Variants in MYLK2 observed in about 807,000 individuals in gnomAD.
MYLK2 encodes the protein myosin light chain kinase 2.
A neutral mutation model predicts 58.2 loss-of-function variants in MYLK2; 27 were observed. That is an observed-to-expected ratio of 0.46 (90% CI 0.34 to 0.64). The LOEUF is 0.64. MYLK2 is among the 30% of genes least tolerant of loss of function. The pLI is 0.01. For synonymous variants in MYLK2, 310 were observed against 296.7 expected (o/e 1.04, Z -0.46); for missense variants, 676 against 764.3 (o/e 0.88, Z 1.36).
Position 31,819,425 on chromosome 20 carries a change from C to T in MYLK2, c.-52C>T. 7.8e-6 allele frequency: 8 copies of T among 1,026,156 alleles called. No homozygotes were observed. The highest frequency in any genetic ancestry group is 1.2e-5 in the Non-Finnish European group (8 of 678,522). 63.6% of individuals were successfully genotyped at this position (1,026,156 alleles called of 1,614,324 possible). A position where few individuals can be genotyped will look rare whatever the true frequency, so the allele number is the denominator to read the frequency against. On this transcript the variant is annotated 5_prime_UTR_variant, in exon 1 of 13. Transcript: ENST00000375985. ...GGCAACCAGGTTGCCCCTCTTTGCT[C>T]CAGGTACCTCTCTCCCCTCAGTTAG...
intron 4 of MYLK2, among the ~76,000 whole-genome samples, chr20:31,822,654 C>T (rs894383026): frequency 6.6e-6 from 1 of 152,036 alleles, no homozygotes; most frequent in African/African-American, 2.4e-5. Context: ...GTCCTGACAC[C>T]CCCCTGCCTC....
chr20:31,831,171 G>A (rs766719606), intron 10 of MYLK2, 30 bp downstream of exon 10: 2 of 1,613,786 alleles, frequency 1.2e-6, no homozygotes, highest in African/African-American at 2.7e-5. Context: ...GTGTTTATGG[G>A]GTTGGTGGGG....
intron 8 of MYLK2, 199 bp downstream of exon 8, chr20:31,827,137 G>A: frequency 1.0e-6 from 1 of 982,050 alleles, no homozygotes; most frequent in Non-Finnish European, 1.2e-6. Context: ...GAGAGAGGGG[G>A]GGAAAAAAAA....
intron 6 of MYLK2, among the ~76,000 whole-genome samples, chr20:31,826,253 G>A (rs2062278868): frequency 6.6e-6 from 1 of 152,160 alleles, no homozygotes; most frequent in Non-Finnish European, 1.5e-5. Flanking sequence ...GTGCTCAGAG[G>A]TTGAGATGTA....
At chr20:31,829,090 G>A (rs6060978) in intron 8 of MYLK2, among the ~76,000 whole-genome samples, 47,559 of 151,984 alleles carry the variant, frequency 0.31, 9,604 homozygotes, top group African/African-American at 0.57. Context: ...TGAGCTGGGG[G>A]CAGTTGGTGC....
chr20:31,827,521 C>G, intron 8 of MYLK2: 1 of 985,242 alleles, frequency 1.0e-6, no homozygotes, highest in Non-Finnish European at 1.2e-6. Context: ...ATATTGATAT[C>G]CTTCTTCTTT....
intron 8 of MYLK2, chr20:31,827,272 C>G: frequency 3.0e-6 from 3 of 985,370 alleles, no homozygotes; most frequent in Non-Finnish European, 3.6e-6. Context: ...ATAAGTGTTG[C>G]AATAGCACCT....
intron 6 of MYLK2, 115 bp downstream of exon 6, chr20:31,824,467 G>T: frequency 6.5e-7 from 1 of 1,537,440 alleles, no homozygotes; most frequent in Non-Finnish European, 8.7e-7. Flanking sequence ...ATGGGAGTTT[G>T]TTGCAGTGAA....
chr20:31,824,385 GA>G, intron 6 of MYLK2, 33 bp downstream of exon 6: 1 of 1,589,756 alleles, frequency 6.3e-7, no homozygotes, highest in South Asian at 1.1e-5. Flanking sequence ...GGCTGCCCAG[GA>G]TGGGGAGGGG....
chr20:31,830,021 C>T (rs183198147), intron 8 of MYLK2, among the ~76,000 whole-genome samples: 1 of 152,196 alleles, frequency 6.6e-6, no homozygotes, highest in Non-Finnish European at 1.5e-5. Context: ...CCCCAGAGTG[C>T]AGGATCAGTG....
At chr20:31,827,882 C>CTTTTT (rs10646259) in intron 8 of MYLK2, among the ~76,000 whole-genome samples, 20 of 94,814 alleles carry the variant, frequency 2.1e-4, no homozygotes, top group African/African-American at 2.9e-4. Context: ...AGCAGATCTG[C>CTTTTT]TTTTTTTTTT....
Position 31,821,856 on chromosome 20 carries a change from G to A in MYLK2, c.772+119G>A, listed in dbSNP as rs968028332. On this transcript the variant is annotated intron_variant, in intron 4 of 12. Transcript: ENST00000375985. Reference sequence around the variant, plus strand: ...ACTGCCCTGAGCCAAGCCTTACCCAGGCCCATTCATCTAAGGGTCACACAA... The same window carrying A: ...ACTGCCCTGAGCCAAGCCTTACCCAAGCCCATTCATCTAAGGGTCACACAA... 11 of 905,208 alleles carry A rather than the reference G, an allele frequency of 1.2e-5. No homozygotes were observed. In the African/African-American group the frequency reaches 1.5e-4, roughly 12 times the overall value. The allele number at this position is 905,208 out of a possible 1,614,324, so 56.1% of individuals were successfully genotyped here. A position where few individuals can be genotyped will look rare whatever the true frequency, so the allele number is the denominator to read the frequency against.
chr20:31,830,832 T>C lies in MYLK2; in HGVS notation c.1238T>C (p.Leu413Pro), dbSNP rs1381852528. The C allele has an allele frequency of 1.2e-6, 2 of 1,612,778 alleles. No homozygotes were observed. Among genetic ancestry groups the C allele is most frequent in the Non-Finnish European group, 1.7e-6 (2 of 1,179,500 alleles). Residue 413 changes from leucine to proline, a missense_variant, in exon 9 of 13, where the codon CTG (leucine) becomes CCG (proline). Leu to Pro is a moderately conservative substitution (Grantham distance 98). This residue lies in a region of MYLK2 where 370 missense variants were observed against 467.8 expected (regional missense o/e 0.79). Transcript: ENST00000375985. ...LHLDLKPENI[L>P]CVNTTGHLVK... The stretch of plus-strand genomic sequence containing the variant: ...CTTTCTCCTCAGCCAGAGAACATCC[T>C]GTGTGTCAACACCACCGGGCATTTG...
intron 5 of MYLK2, chr20:31,824,048 G>C: frequency 1.0e-6 from 1 of 985,416 alleles, no homozygotes; most frequent in South Asian, 4.7e-5. Flanking sequence ...TGGTCTGTGT[G>C]GTTCAAAGAA....
At chr20:31,826,576 CT>C in intron 6 of MYLK2, 28 bp from the exon 7 acceptor site, 1 of 1,613,738 alleles carries the variant, frequency 6.2e-7, no homozygotes. Context: ...TGGTGCCCAG[CT>C]GGTACCCTTG....
chr20:31,819,385 C>A lies in MYLK2; in HGVS notation c.-92C>A. ...CTGCCCAGGACTGCTCCTGAGCAGCCGCTGGGAGACAGACGGCAACCAGGT... is the reference window on the plus strand; with the variant it reads ...CTGCCCAGGACTGCTCCTGAGCAGCAGCTGGGAGACAGACGGCAACCAGGT... On this transcript the variant is annotated 5_prime_UTR_variant, in exon 1 of 13. Coordinates refer to ENST00000375985, the MANE Select transcript of MYLK2 (RefSeq NM_033118.4). 2 of 696,760 alleles carry A rather than the reference C, an allele frequency of 2.9e-6. No homozygotes were observed. The highest frequency in any genetic ancestry group is 5.0e-6 in the Non-Finnish European group (2 of 398,118). The allele number at this position is 696,760 out of a possible 1,614,324, so 43.2% of individuals were successfully genotyped here.
Position 31,819,378 on chromosome 20 carries a change from G to C in MYLK2, c.-99G>C, listed in dbSNP as rs2062239966. The C allele has an allele frequency of 1.5e-6, 1 of 669,238 alleles. No homozygotes were observed. Among genetic ancestry groups the C allele is most frequent in the Admixed American group, 2.1e-5 (1 of 47,222 alleles). 41.5% of individuals were successfully genotyped at this position (669,238 alleles called of 1,614,324 possible). ...CTTACAACTGCCCAGGACTGCTCCT[G>C]AGCAGCCGCTGGGAGACAGACGGCA... is the stretch of plus-strand genomic sequence containing the variant. On this transcript the variant is annotated 5_prime_UTR_variant, in exon 1 of 13. Coordinates refer to ENST00000375985, the MANE Select transcript of MYLK2 (RefSeq NM_033118.4).
intron 10 of MYLK2, 27 bp from the exon 11 acceptor site, chr20:31,831,676 C>G (rs1228085945): frequency 6.2e-7 from 1 of 1,613,284 alleles, no homozygotes; most frequent in Non-Finnish European, 8.5e-7. Context: ...TCTCACCTCC[C>G]TGCCCCCTGC....
intron 4 of MYLK2, among the ~76,000 whole-genome samples, chr20:31,823,207 T>C (rs1322272042): frequency 3.9e-5 from 6 of 152,252 alleles, no homozygotes; most frequent in East Asian, 3.8e-4. Flanking sequence ...TTGTGTCTTA[T>C]AATGCAGAGG....
Sources: allele counts gnomAD v4.1 joint callset (sites outside exome capture counted in the v4.1 genomes callset), GRCh38; gene constraint gnomAD v4.1.1; regional missense constraint gnomAD v4.1.1; transcripts MANE v1.5; gene names NCBI Gene and HGNC (gene_info 2026-07-23, HGNC 2026-07-21).